The following RBFOX3 variants were observed in gnomAD, a reference collection of about 807,000 sequenced individuals.
RBFOX3 encodes the protein RNA binding fox-1 homolog 3.
RBFOX3 carries 17 observed loss-of-function variants against 48.7 expected under a neutral mutation model. The observed-to-expected ratio is 0.35, with a 90% confidence interval of 0.24 to 0.52. The LOEUF (loss-of-function observed/expected upper bound fraction) is 0.52. Ranked by LOEUF, RBFOX3 falls within the 20% of genes least tolerant of loss-of-function variation. The probability of loss-of-function intolerance (pLI) is 0.94; values close to 1 mark genes in which losing one functional copy is unlikely to be tolerated. For synonymous variants in RBFOX3, 212 were observed against 209.5 expected, an observed-to-expected ratio of 1.01 and a Z score of -0.10; for missense variants, 382 against 497.5, an observed-to-expected ratio of 0.77 and a Z score of 2.21.
intron 2 of RBFOX3, among the ~76,000 whole-genome samples, chr17:79,376,678 C>T (rs949854174): frequency 6.6e-6 from 1 of 152,152 alleles, no homozygotes; most frequent in East Asian, 1.9e-4. Flanking sequence ...CGCACGGGGG[C>T]TGGAGGAAGA....
At chr17:79,237,992 A>G (rs564967360) in intron 3 of RBFOX3, among the ~76,000 whole-genome samples, 29 of 152,304 alleles carry the variant, frequency 1.9e-4, no homozygotes, top group Middle Eastern at 6.8e-3. Context: ...GCTGGAGTGC[A>G]ATGGTGCAAT....
intron 3 of RBFOX3, among the ~76,000 whole-genome samples, chr17:79,262,591 G>A (rs574586819): frequency 1.3e-5 from 2 of 152,244 alleles, no homozygotes; most frequent in Non-Finnish European, 2.9e-5. Context: ...GTCTCAAGAG[G>A]TGGAGGGAGG....
chr17:79,096,135 G>C (rs1329385123), intron 12 of RBFOX3, among the ~76,000 whole-genome samples: 1 of 152,214 alleles, frequency 6.6e-6, no homozygotes, highest in Non-Finnish European at 1.5e-5. Context: ...AGGACTGAAG[G>C]GTGGCTGGGT....
intron 4 of RBFOX3, among the ~76,000 whole-genome samples, chr17:79,139,053 G>A (rs1240367624): frequency 7.3e-6 from 1 of 136,328 alleles, no homozygotes; most frequent in Non-Finnish European, 1.6e-5. Flanking sequence ...CACAGCACGT[G>A]TTCACACCCC....
At chr17:79,240,025 C>T (rs985330073) in intron 3 of RBFOX3, among the ~76,000 whole-genome samples, 8 of 152,206 alleles carry the variant, frequency 5.3e-5, no homozygotes, top group Non-Finnish European at 1.0e-4. Context: ...TTCCCACCTT[C>T]GCACTAGTCC....
chr17:79,406,196 C>A (rs1240276654), intron 2 of RBFOX3, among the ~76,000 whole-genome samples: 5 of 152,164 alleles, frequency 3.3e-5, no homozygotes, highest in African/African-American at 1.2e-4. Context: ...AGATTATTTT[C>A]TCATTCTTTA....
intron 4 of RBFOX3, among the ~76,000 whole-genome samples, chr17:79,179,129 C>A (rs2051275458): frequency 6.6e-6 from 1 of 152,184 alleles, no homozygotes; most frequent in Admixed American, 6.5e-5. Flanking sequence ...GCTACGTCTG[C>A]CACAGTAATT....
intron 3 of RBFOX3, among the ~76,000 whole-genome samples, chr17:79,256,953 A>C (rs111796801): frequency 3.3e-4 from 37 of 111,274 alleles, no homozygotes; most frequent in African/African-American, 6.0e-4. Context: ...CAAAACAAAA[A>C]AAAAACAAAA....
At chr17:79,240,607 A>T (rs958959664) in intron 3 of RBFOX3, among the ~76,000 whole-genome samples, 8 of 152,230 alleles carry the variant, frequency 5.3e-5, no homozygotes, top group Non-Finnish European at 1.2e-4. Flanking sequence ...TGATACCAAG[A>T]TGAGAGAAAG....
At chr17:79,163,515 C>G (rs1170016051) in intron 4 of RBFOX3, among the ~76,000 whole-genome samples, 1 of 152,242 alleles carries the variant, frequency 6.6e-6, no homozygotes, top group Non-Finnish European at 1.5e-5. Flanking sequence ...GGAGAACATT[C>G]TTCCCCAGAA....
chr17:79,136,966 TG>T lies in RBFOX3; in HGVS notation c.-33-21219del, dbSNP rs200553464. 4.4e-3 allele frequency among the ~76,000 whole-genome samples: 665 copies of T among 152,286 alleles called. 5 individuals carry two copies. Among genetic ancestry groups the T allele is most frequent in the African/African-American group, 0.015 (632 of 41,542 alleles). On this transcript the variant is annotated intron_variant, in intron 4 of 14. Coordinates refer to ENST00000693108, the MANE Select transcript of RBFOX3 (RefSeq NM_001350451.2). ...CCCAGGGGCGTGGGGACAGCTTGTATGGTCCTGGGATTCTGCACATTCAGCC... is the reference window on the plus strand; with the variant it reads ...CCCAGGGGCGTGGGGACAGCTTGTATGTCCTGGGATTCTGCACATTCAGCC...
intron 4 of RBFOX3, among the ~76,000 whole-genome samples, chr17:79,231,715 T>A (rs918728338): frequency 6.6e-6 from 1 of 152,148 alleles, no homozygotes; most frequent in South Asian, 2.1e-4. Context: ...ATGAATGACA[T>A]TGGCATAAAT....
At chr17:79,358,657 C>T (rs952860043) in intron 2 of RBFOX3, among the ~76,000 whole-genome samples, 3 of 151,606 alleles carry the variant, frequency 2.0e-5, no homozygotes, top group African/African-American at 7.3e-5. Flanking sequence ...GAAGGGGTTT[C>T]ACCATGTTGG....
intron 3 of RBFOX3, among the ~76,000 whole-genome samples, chr17:79,306,816 T>A (rs2076167233): frequency 6.6e-6 from 1 of 152,156 alleles, no homozygotes; most frequent in South Asian, 2.1e-4. Context: ...CTGGGAGAGC[T>A]TTGCCATGCC....
At chr17:79,507,997 C>T (rs2083424823) in intron 1 of RBFOX3, among the ~76,000 whole-genome samples, 1 of 152,212 alleles carries the variant, frequency 6.6e-6, no homozygotes, top group Non-Finnish European at 1.5e-5. Flanking sequence ...CTGAATGGGG[C>T]TTAGGAACAT....
chr17:79,398,647 G>A (rs984036351), intron 2 of RBFOX3, among the ~76,000 whole-genome samples: 10 of 152,238 alleles, frequency 6.6e-5, no homozygotes, highest in East Asian at 1.9e-4. Flanking sequence ...CACCGTGGGC[G>A]ACGATGCGGC....
At chr17:79,603,717 G>A (rs1432093544) in intron 1 of RBFOX3, 2 of 152,268 alleles carry the variant, frequency 1.3e-5, no homozygotes, top group Admixed American at 6.5e-5. Context: ...CAACATGCTC[G>A]TTCCTCTACT....
chr17:79,365,127 G>GCACACA (rs71365559), intron 2 of RBFOX3, among the ~76,000 whole-genome samples: 6 of 150,852 alleles, frequency 4.0e-5, no homozygotes, highest in African/African-American at 7.3e-5. Flanking sequence ...CTGGATGTGC[G>GCACACA]CACACACACA....
chr17:79,296,817 C>G (rs1600484222), intron 3 of RBFOX3, among the ~76,000 whole-genome samples: 2 of 134,554 alleles, frequency 1.5e-5, no homozygotes, highest in South Asian at 5.6e-4. Flanking sequence ...CTCCCCACTT[C>G]TCCTCCCCTT....
Sources: allele counts gnomAD v4.1 joint callset (sites outside exome capture counted in the v4.1 genomes callset), GRCh38; gene constraint gnomAD v4.1.1; transcripts MANE v1.5; gene names NCBI Gene and HGNC (gene_info 2026-07-23, HGNC 2026-07-21).